PKNOX2: variants seen among roughly 807,000 people sequenced by gnomAD.
PKNOX2 encodes the protein PBX/knotted 1 homeobox 2.
In PKNOX2, 14 loss-of-function variants were observed where a neutral mutation model predicts 53.1. The observed-to-expected ratio is 0.26, with a 90% CI of 0.17 to 0.41. The LOEUF is 0.41. PKNOX2 is among the 10% of genes least tolerant of loss of function. The probability of loss-of-function intolerance (pLI) is 1.00; values close to 1 mark genes in which losing one functional copy is unlikely to be tolerated. For missense variants in PKNOX2, 496 were observed against 602.8 expected (o/e 0.82, Z 1.85); for synonymous variants, 257 against 242.8 (o/e 1.06, Z -0.54).
In PKNOX2 at chr11:125,328,544, A is replaced by G. The variant is rs564789294; in HGVS notation, c.-129-3275A>G. 5.3e-5 allele frequency among the ~76,000 whole-genome samples: 8 copies of G among 152,288 alleles called. No individual in the cohort carries two copies. The South Asian group carries it at 1.7e-3, about 32-fold the overall frequency. On this transcript the variant is annotated intron_variant, in intron 2 of 12. Coordinates refer to ENST00000298282, the MANE Select transcript of PKNOX2 (RefSeq NM_001382323.2). ...CAGGAAGGAGTAGTAAAAAGCTACC[A>G]AAGAACAGATCTGTCATTTACCAAG...
At chr11:125,248,336 T>C (rs1438495157) in intron 2 of PKNOX2, among the ~76,000 whole-genome samples, 1 of 152,188 alleles carries the variant, frequency 6.6e-6, no homozygotes, top group East Asian at 1.9e-4. Flanking sequence ...CTTGGTATAC[T>C]GAGCAGACTG....
intron 2 of PKNOX2, among the ~76,000 whole-genome samples, chr11:125,250,079 A>C (rs1305717863): frequency 1.3e-5 from 2 of 150,934 alleles, no homozygotes; most frequent in Non-Finnish European, 3.0e-5. Flanking sequence ...AAAAAAAAAA[A>C]AAAAAAAAAA....
intron 2 of PKNOX2, among the ~76,000 whole-genome samples, chr11:125,282,125 C>T (rs1342277707): frequency 6.6e-6 from 1 of 152,190 alleles, no homozygotes; most frequent in Admixed American, 6.5e-5. Context: ...TAAGATCTCC[C>T]AAGTACCTTC....
At chr11:125,204,502 C>T (rs1291893940) in intron 1 of PKNOX2, among the ~76,000 whole-genome samples, 2 of 152,172 alleles carry the variant, frequency 1.3e-5, no homozygotes, top group Admixed American at 1.3e-4. Flanking sequence ...TGGCCTGTGG[C>T]TCAAGCTCCC....
chr11:125,360,774 T>A (rs967326858), intron 4 of PKNOX2, among the ~76,000 whole-genome samples: 21 of 152,236 alleles, frequency 1.4e-4, no homozygotes, highest in Non-Finnish European at 2.4e-4. Flanking sequence ...AACCGCCATA[T>A]GCTGAATAGC....
chr11:125,398,433 C>T (rs566842673), intron 7 of PKNOX2, among the ~76,000 whole-genome samples: 1 of 152,342 alleles, frequency 6.6e-6, no homozygotes, highest in South Asian at 2.1e-4. Flanking sequence ...CTGCGGCTTG[C>T]TGAGCCATCT....
At chr11:125,411,053 T>C (rs1955479657) in intron 9 of PKNOX2, 177 bp downstream of exon 9, 1 of 591,518 alleles carries the variant, frequency 1.7e-6, no homozygotes, top group Non-Finnish European at 3.0e-6. Context: ...TTTTATCAAC[T>C]CCTGGGATTT....
chr11:125,318,931 A>G (rs1949364270), intron 2 of PKNOX2, among the ~76,000 whole-genome samples: 2 of 151,846 alleles, frequency 1.3e-5, no homozygotes, highest in Non-Finnish European at 2.9e-5. Flanking sequence ...CTTCCCCTTC[A>G]CCTTCCACCA....
chr11:125,196,412 G>C (rs909237431), intron 1 of PKNOX2, among the ~76,000 whole-genome samples: 4 of 152,158 alleles, frequency 2.6e-5, no homozygotes, highest in Admixed American at 1.3e-4. Flanking sequence ...GTCTTCTGTT[G>C]AGCCCACTTT....
chr11:125,369,352 T>TCTCAGTGAGACTCTAAGAAA (rs1244284171), intron 5 of PKNOX2, among the ~76,000 whole-genome samples: 6 of 152,184 alleles, frequency 3.9e-5, no homozygotes, highest in South Asian at 4.1e-4. Flanking sequence ...CTCCAGGACC[T>TCTCAGTGAGACTCTAAGAAA]GGTCACAGTG....
intron 2 of PKNOX2, among the ~76,000 whole-genome samples, chr11:125,265,286 CA>C (rs200547805): frequency 1.7e-3 from 244 of 139,434 alleles, no homozygotes; most frequent in East Asian, 1.0e-2. Context: ...GACTCTGTCT[CA>C]AAAAAAAAAA....
intron 2 of PKNOX2, among the ~76,000 whole-genome samples, chr11:125,293,922 T>C (rs762100407): frequency 1.3e-5 from 2 of 152,156 alleles, no homozygotes; most frequent in African/African-American, 4.8e-5. Flanking sequence ...GCTGTAGATA[T>C]TACCTTTAAT....
chr11:125,263,938 C>T (rs1321891980), intron 2 of PKNOX2, among the ~76,000 whole-genome samples: 1 of 152,200 alleles, frequency 6.6e-6, no homozygotes, highest in African/African-American at 2.4e-5. Context: ...CTTTTCCTGG[C>T]TTCCTTCTCC....
chr11:125,418,935 G>T (rs1260894538), intron 10 of PKNOX2, among the ~76,000 whole-genome samples: 1 of 151,954 alleles, frequency 6.6e-6, no homozygotes, highest in African/African-American at 2.4e-5. Flanking sequence ...GATGTTTGTA[G>T]GTTATATGCA....
chr11:125,431,470 G>GGGCCCCCCCCCCC lies in PKNOX2; in HGVS notation c.*78_*79insGGCCCCCCCCCCC. The stretch of plus-strand genomic sequence containing the variant: ...AGGCCTTCAGGGTGGGGGGGAAGGG[G>GGGCCCCCCCCCCC]ACATGGGCAGGAAGCACCGAGGGAG... On this transcript the variant is annotated 3_prime_UTR_variant, in exon 13 of 13. Transcript: ENST00000298282. 3.5e-6 allele frequency: 1 copy of GGGCCCCCCCCCCC among 282,772 alleles called. No homozygotes were observed. Among genetic ancestry groups the GGGCCCCCCCCCCC allele is most frequent in the Non-Finnish European group, 7.1e-6 (1 of 140,432 alleles). The allele number at this position is 282,772 out of a possible 1,614,324, so 17.5% of individuals were successfully genotyped here. A position where few individuals can be genotyped will look rare whatever the true frequency, so the allele number is the denominator to read the frequency against.
chr11:125,187,067 C>T lies in PKNOX2; in HGVS notation c.-201+22291C>T, dbSNP rs539007969. Among the ~76,000 whole-genome samples the T allele has an allele frequency of 7.9e-5, 12 of 152,308 alleles. No homozygotes were observed. The South Asian group carries it at 2.5e-3, about 32-fold the overall frequency. ...GGACTCTTTACTCAATTCCACCAGT[C>T]TAAATGTCCATCCCCATACCAGTAT... On this transcript the variant is annotated intron_variant, in intron 1 of 12. Transcript: ENST00000298282.
intron 1 of PKNOX2, among the ~76,000 whole-genome samples, chr11:125,178,561 G>GGAAGGAAGGAAGGAAGGAAGGAAGGAAA (rs1565462235): frequency 9.7e-6 from 1 of 102,698 alleles, no homozygotes; most frequent in African/African-American, 6.5e-5. Flanking sequence ...AAGGAAGGAA[G>GGAAGGAAGGAAGGAAGGAAGGAAGGAAA]GAACGAAGGA....
chr11:125,307,791 G>C lies in PKNOX2; in HGVS notation c.-129-24028G>C, dbSNP rs574076683. The stretch of plus-strand genomic sequence containing the variant: ...TGCCATCTTGCTGCTAATATGCAAA[G>C]CTAATCATATGTATGCAAAGAAACC... On this transcript the variant is annotated intron_variant, in intron 2 of 12. Transcript: ENST00000298282. Among the ~76,000 whole-genome samples the C allele has an allele frequency of 1.4e-4, 22 of 152,294 alleles. No individual in the cohort carries two copies. In the South Asian group the frequency reaches 2.3e-3, roughly 16 times the overall value.
chr11:125,342,009 A>T (rs1401562666), intron 3 of PKNOX2, among the ~76,000 whole-genome samples: 1 of 152,172 alleles, frequency 6.6e-6, no homozygotes, highest in African/African-American at 2.4e-5. Flanking sequence ...CATGGGCTCT[A>T]TTTAGAGCTC....
Sources: gnomAD v4.1 joint callset for allele counts (sites outside exome capture counted in the v4.1 genomes callset) on GRCh38, gnomAD v4.1.1 for gene constraint, MANE v1.5 for transcripts, NCBI Gene and HGNC (gene_info 2026-07-23, HGNC 2026-07-21) for gene names.